The following CRY1 variants were observed in gnomAD, a reference collection of about 807,000 sequenced individuals.
CRY1 encodes the protein cryptochrome-1.
A neutral mutation model predicts 76.0 loss-of-function variants in CRY1; 45 were observed. That is an observed-to-expected ratio of 0.59 (90% confidence interval 0.47 to 0.76). The LOEUF (loss-of-function observed/expected upper bound fraction) is 0.76, where lower values mean the gene tolerates loss of function less well. Among genes scored for constraint, CRY1 ranks in the 30% least tolerant of loss-of-function variants. The pLI is 0.00. For synonymous variants in CRY1, 248 were observed against 244.0 expected (o/e 1.02, Z -0.15); for missense variants, 587 against 716.4 (o/e 0.82, Z 2.06).
chr12:107,069,173 G>T (rs1323965349), intron 1 of CRY1, among the ~76,000 whole-genome samples: 1 of 151,642 alleles, frequency 6.6e-6, no homozygotes, highest in Non-Finnish European at 1.5e-5. Context: ...CACCAGCAAT[G>T]TACAAGGGTT....
chr12:107,028,308 T>C (rs1952638036), intron 1 of CRY1, among the ~76,000 whole-genome samples: 1 of 152,154 alleles, frequency 6.6e-6, no homozygotes, highest in East Asian at 1.9e-4. Context: ...TACAAATTTT[T>C]AGTGCTTTCA....
intron 2 of CRY1, among the ~76,000 whole-genome samples, chr12:107,009,558 A>AAC (rs201273826): frequency 0.11 from 5,418 of 48,336 alleles, 271 homozygotes; most frequent in East Asian, 0.27. Context: ...AAAAAAACAA[A>AAC]AAAACATATA....
chr12:107,007,458 T>C (rs1387424677), intron 2 of CRY1, among the ~76,000 whole-genome samples: 1 of 151,904 alleles, frequency 6.6e-6, no homozygotes, highest in Non-Finnish European at 1.5e-5. Flanking sequence ...AATAACATAA[T>C]GCATATAGAG....
intron 2 of CRY1, among the ~76,000 whole-genome samples, chr12:107,021,207 C>A (rs1952553457): frequency 6.6e-6 from 1 of 152,066 alleles, no homozygotes. Flanking sequence ...CACCTGAACC[C>A]AGGAGGCAGA....
chr12:107,084,024 A>G (rs903045606), intron 1 of CRY1, among the ~76,000 whole-genome samples: 2 of 152,168 alleles, frequency 1.3e-5, no homozygotes, highest in Admixed American at 1.3e-4. Context: ...AAAAATCACA[A>G]GCATTCCTAT....
intron 2 of CRY1, among the ~76,000 whole-genome samples, chr12:107,007,329 T>C (rs911195402): frequency 1.1e-4 from 16 of 152,244 alleles, no homozygotes; most frequent in South Asian, 2.1e-4. Context: ...TCCTAGTCTA[T>C]AAAATGGGTA....
At chr12:107,090,722 C>T (rs1191189754) in intron 1 of CRY1, among the ~76,000 whole-genome samples, 3 of 152,160 alleles carry the variant, frequency 2.0e-5, no homozygotes, top group Admixed American at 1.3e-4. Context: ...GAATAAATGG[C>T]TTTATATATT....
intron 1 of CRY1, among the ~76,000 whole-genome samples, chr12:107,030,335 A>G (rs1952661461): frequency 6.6e-6 from 1 of 152,212 alleles, no homozygotes; most frequent in African/African-American, 2.4e-5. Context: ...ACATTTCCAT[A>G]CCCAGGTAAA....
intron 1 of CRY1, among the ~76,000 whole-genome samples, chr12:107,074,583 G>T (rs535749393): frequency 7.9e-5 from 12 of 152,118 alleles, no homozygotes; most frequent in Admixed American, 3.3e-4. Context: ...AAATATTTGA[G>T]AATGAATTTT....
chr12:107,017,585 C>T (rs1313178858), intron 2 of CRY1, among the ~76,000 whole-genome samples: 2 of 152,178 alleles, frequency 1.3e-5, no homozygotes, highest in East Asian at 3.9e-4. Flanking sequence ...TATTCTACCC[C>T]AGGCTTTCTT....
In CRY1 at chr12:107,001,271, T is replaced by G. The variant is rs1254142543; in HGVS notation, c.684+9A>C. ...TACAAGCATAGCTATATAATCTACA[T>G]TATCATACTTTTCTTTCCAAATGCC... On this transcript the variant is annotated intron_variant, in intron 5 of 12. Transcript: ENST00000008527. 2 of 1,601,818 alleles carry G rather than the reference T, an allele frequency of 1.2e-6. No homozygotes were observed. The highest frequency in any genetic ancestry group is 1.7e-6 in the Non-Finnish European group (2 of 1,171,160).
At position 107,056,400 on chromosome 12, in the gene CRY1, A is replaced by G. The variant is rs192934180; in HGVS notation, c.159-34208T>C. 9.5e-4 allele frequency among the ~76,000 whole-genome samples: 145 copies of G among 152,338 alleles called. 1 individual carries two copies. Among genetic ancestry groups the G allele is most frequent in the African/African-American group, 3.3e-3 (137 of 41,578 alleles). The stretch of plus-strand genomic sequence containing the variant: ...AGAGGGGCACAAGAAATCTCAAACA[A>G]TAAATTTAAAGTGCCCTGCAGTGGT... On this transcript the variant is annotated intron_variant, in intron 1 of 12. Coordinates refer to ENST00000008527, the MANE Select transcript of CRY1 (RefSeq NM_004075.5).
At chr12:107,079,891 T>G (rs1404087337) in intron 1 of CRY1, among the ~76,000 whole-genome samples, 2 of 152,078 alleles carry the variant, frequency 1.3e-5, no homozygotes, top group Non-Finnish European at 2.9e-5. Context: ...ATAAATGACA[T>G]GACCAGATTT....
chr12:107,007,642 AC>A (rs1310627085), intron 2 of CRY1, among the ~76,000 whole-genome samples: 2 of 150,706 alleles, frequency 1.3e-5, no homozygotes, highest in Non-Finnish European at 3.0e-5. Context: ...CAATTCTCCC[AC>A]CTCAACCTCC....
chr12:106,992,642 A>C (rs999169030), intron 12 of CRY1, 145 bp downstream of exon 12: 12 of 707,436 alleles, frequency 1.7e-5, no homozygotes, highest in Non-Finnish European at 2.8e-5. Flanking sequence ...CCAAAAATTA[A>C]CTGAGTTTGT....
At chr12:107,076,295 C>T (rs1310203252) in intron 1 of CRY1, among the ~76,000 whole-genome samples, 3 of 151,774 alleles carry the variant, frequency 2.0e-5, no homozygotes, top group Non-Finnish European at 4.4e-5. Context: ...AATGGTGTCA[C>T]ATAAGAGACG....
intron 1 of CRY1, among the ~76,000 whole-genome samples, chr12:107,085,272 A>G (rs1953383444): frequency 1.3e-5 from 2 of 152,234 alleles, no homozygotes; most frequent in Admixed American, 1.3e-4. Context: ...TCAAGGATCT[A>G]CAAACAGAAA....
chr12:106,992,635 A>C, intron 12 of CRY1, 152 bp downstream of exon 12: 1 of 682,056 alleles, frequency 1.5e-6, no homozygotes, highest in Non-Finnish European at 2.4e-6. Flanking sequence ...CTCTTGACCA[A>C]AAATTAACTG....
chr12:106,996,203 A>G (rs1254757536), intron 10 of CRY1, among the ~76,000 whole-genome samples: 1 of 152,150 alleles, frequency 6.6e-6, no homozygotes, highest in African/African-American at 2.4e-5. Context: ...ACTTCCACTT[A>G]CAAGCAAGAA....
Sources: allele counts gnomAD v4.1 joint callset (sites outside exome capture counted in the v4.1 genomes callset), GRCh38; gene constraint gnomAD v4.1.1; transcripts MANE v1.5; gene names NCBI Gene and HGNC (gene_info 2026-07-23, HGNC 2026-07-21).